Variants in KCND3 observed in about 807,000 individuals in gnomAD.
The protein encoded by KCND3 is A-type voltage-gated potassium channel KCND3.
KCND3 carries 9 observed loss-of-function variants against 51.1 expected under a neutral mutation model. That is an observed-to-expected ratio of 0.18 (90% CI 0.11 to 0.31). The LOEUF is 0.31. Ranked by LOEUF, KCND3 falls within the 10% of genes least tolerant of loss-of-function variation. The pLI, the probability that KCND3 is intolerant of heterozygous loss-of-function variation, is 1.00. For synonymous variants in KCND3, 349 were observed against 368.0 expected (o/e 0.95, Z 0.59); for missense variants, 526 against 903.8 (o/e 0.58, Z 5.36).
intron 2 of KCND3, among the ~76,000 whole-genome samples, chr1:111,966,314 C>G (rs766146497): frequency 1.2e-4 from 18 of 152,048 alleles, no homozygotes; most frequent in Non-Finnish European, 1.9e-4. Context: ...TAATAAAATA[C>G]TGGGGGTGGA....
intron 2 of KCND3, among the ~76,000 whole-genome samples, chr1:111,966,377 T>C (rs532110497): frequency 1.3e-5 from 2 of 152,048 alleles, no homozygotes; most frequent in East Asian, 1.9e-4. Flanking sequence ...GAAAAACAAG[T>C]TGGTGATGGG....
chr1:111,931,973 G>C (rs759574925), intron 2 of KCND3, among the ~76,000 whole-genome samples: 1 of 152,200 alleles, frequency 6.6e-6, no homozygotes, highest in Non-Finnish European at 1.5e-5. Context: ...CACCACCAAC[G>C]TATACAGTTC....
At position 111,943,894 on chromosome 1, in the gene KCND3, A is replaced by G. The variant is rs72981261; in HGVS notation, c.1106+37727T>C. Among the ~76,000 whole-genome samples the G allele has an allele frequency of 1.8e-3, 274 of 152,262 alleles. 1 individual carries two copies. The highest frequency in any genetic ancestry group is 6.4e-3 in the African/African-American group (267 of 41,558). On this transcript the variant is annotated intron_variant, in intron 2 of 7. Coordinates refer to ENST00000302127, the MANE Select transcript of KCND3 (RefSeq NM_001378969.1). ...GGACCCAAATCCAGAAACTGCTTCAAGTTTCGTTTTCTTTCCCATTACTCC... is the reference window on the plus strand; with the variant it reads ...GGACCCAAATCCAGAAACTGCTTCAGGTTTCGTTTTCTTTCCCATTACTCC...
intron 2 of KCND3, among the ~76,000 whole-genome samples, chr1:111,962,756 A>G (rs4838932): frequency 0.35 from 53,835 of 152,062 alleles, 9,824 homozygotes; most frequent in East Asian, 0.43. Context: ...ATCCCTTTGT[A>G]TTTATACCAC....
At chr1:111,870,062 G>A (rs1353255455) in intron 2 of KCND3, among the ~76,000 whole-genome samples, 3 of 152,196 alleles carry the variant, frequency 2.0e-5, no homozygotes, top group Admixed American at 1.3e-4. Context: ...CTAATAATAG[G>A]TAAAATTTAT....
intron 2 of KCND3, among the ~76,000 whole-genome samples, chr1:111,804,852 C>T (rs531644927): frequency 5.1e-4 from 77 of 152,322 alleles, no homozygotes; most frequent in African/African-American, 1.6e-3. Context: ...AGTTGGTGCC[C>T]GGGCGGTCTG....
chr1:111,945,848 G>A (rs1406948505), intron 2 of KCND3, among the ~76,000 whole-genome samples: 1 of 152,180 alleles, frequency 6.6e-6, no homozygotes, highest in Non-Finnish European at 1.5e-5. Context: ...TTGGTGCACT[G>A]GCCCTGCAGC....
rs1368133881 is a variant in KCND3, at chr1:111,989,519, G to A, written c.-87C>T. ...GTCCCTCTTACCTTCCGCGAAGCCA[G>A]CCCGGGCCCCGCGCCCGGCGCCCCG... On this transcript the variant is annotated 5_prime_UTR_variant, in exon 1 of 8. Transcript: ENST00000302127. 6.6e-6 allele frequency among the ~76,000 whole-genome samples: 1 copy of A among 151,024 alleles called. No individual in the cohort carries two copies. Among genetic ancestry groups the A allele is most frequent in the Non-Finnish European group, 1.5e-5 (1 of 67,698 alleles).
At chr1:111,840,808 C>T (rs1288751062) in intron 2 of KCND3, among the ~76,000 whole-genome samples, 1 of 152,340 alleles carries the variant, frequency 6.6e-6, no homozygotes, top group Admixed American at 6.5e-5. Flanking sequence ...CCTCCCCAGG[C>T]TATCAGTCAT....
chr1:111,863,379 T>C (rs923086968), intron 2 of KCND3, among the ~76,000 whole-genome samples: 1 of 151,586 alleles, frequency 6.6e-6, no homozygotes, highest in Admixed American at 6.6e-5. Flanking sequence ...GATGAAAATT[T>C]AAATCAATCT....
intron 2 of KCND3, among the ~76,000 whole-genome samples, chr1:111,816,761 C>T (rs977427860): frequency 2.6e-5 from 4 of 152,320 alleles, no homozygotes; most frequent in African/African-American, 9.6e-5. Flanking sequence ...AACTTGGTAA[C>T]CCTGGACTTG....
chr1:111,978,825 T>C (rs1055664286), intron 2 of KCND3, among the ~76,000 whole-genome samples: 17 of 152,164 alleles, frequency 1.1e-4, no homozygotes, highest in African/African-American at 4.1e-4. Context: ...GAAGAGGCAC[T>C]CCATTCACAC....
chr1:111,876,421 G>A (rs1258921722), intron 2 of KCND3, among the ~76,000 whole-genome samples: 1 of 152,248 alleles, frequency 6.6e-6, no homozygotes. Flanking sequence ...GCCCAGCCCA[G>A]TGAGTGGCTA....
At chr1:111,921,536 G>A (rs1388531960) in intron 2 of KCND3, among the ~76,000 whole-genome samples, 3 of 152,230 alleles carry the variant, frequency 2.0e-5, no homozygotes, top group African/African-American at 4.8e-5. Flanking sequence ...TGAAAGGGCA[G>A]GGGAGGGAGT....
chr1:111,811,062 C>T (rs1571675798), intron 2 of KCND3, among the ~76,000 whole-genome samples: 1 of 152,320 alleles, frequency 6.6e-6, no homozygotes, highest in East Asian at 1.9e-4. Flanking sequence ...GGTCAATGTT[C>T]CATTTCATTA....
chr1:111,941,946 C>G (rs1342990583), intron 2 of KCND3, among the ~76,000 whole-genome samples: 1 of 152,200 alleles, frequency 6.6e-6, no homozygotes, highest in Admixed American at 6.5e-5. Flanking sequence ...TGAGCTGCTG[C>G]CAATAATCAT....
At chr1:111,945,231 C>T (rs777933621) in intron 2 of KCND3, among the ~76,000 whole-genome samples, 13 of 152,230 alleles carry the variant, frequency 8.5e-5, no homozygotes, top group African/African-American at 2.9e-4. Context: ...GCCTCTGATG[C>T]CCTTGTTCGA....
chr1:111,877,253 T>C (rs1669091485), intron 2 of KCND3, among the ~76,000 whole-genome samples: 1 of 152,256 alleles, frequency 6.6e-6, no homozygotes. Flanking sequence ...GAGTTGTCCT[T>C]GTCTGAAGCG....
At chr1:111,808,948 T>G (rs1336251435) in intron 2 of KCND3, among the ~76,000 whole-genome samples, 1 of 152,232 alleles carries the variant, frequency 6.6e-6, no homozygotes, top group Admixed American at 6.5e-5. Context: ...GGGGACACCC[T>G]GAATGACCCC....
Sources: allele counts gnomAD v4.1 joint callset (sites outside exome capture counted in the v4.1 genomes callset), GRCh38; gene constraint gnomAD v4.1.1; transcripts MANE v1.5; gene names NCBI Gene and HGNC (gene_info 2026-07-23, HGNC 2026-07-21).